The following GLP1R variants were observed in gnomAD, a reference collection of about 807,000 sequenced individuals.
GLP1R encodes the protein glucagon-like peptide 1 receptor.
Under a neutral mutation model 68.4 loss-of-function variants are expected in GLP1R, and 32 were observed. The observed-to-expected ratio is 0.47, with a 90% CI of 0.35 to 0.63. The LOEUF is 0.63. Ranked by LOEUF, GLP1R falls within the 20% of genes least tolerant of loss-of-function variation. The pLI is 0.00. For synonymous variants in GLP1R, 263 were observed against 244.4 expected, an observed-to-expected ratio of 1.08 and a Z score of -0.71; for missense variants, 502 against 594.9, an observed-to-expected ratio of 0.84 and a Z score of 1.62.
In GLP1R at chr6:39,063,926, A is replaced by AACACACACACAC. The variant is rs530782175; in HGVS notation, c.284-1760_284-1749dup. Among the ~76,000 whole-genome samples, 91 of 130,264 alleles carry AACACACACACAC rather than the reference A, an allele frequency of 7.0e-4. 1 individual carries two copies. Among genetic ancestry groups the AACACACACACAC allele is most frequent in the African/African-American group, 9.3e-4 (31 of 33,504 alleles). The allele number at this position is 130,264 out of a possible 152,430, so 85.5% of individuals were successfully genotyped here. A position where few individuals can be genotyped will look rare whatever the true frequency, so the allele number is the denominator to read the frequency against. On this transcript the variant is annotated intron_variant, in intron 3 of 12. Transcript: ENST00000373256. The stretch of plus-strand genomic sequence containing the variant: ...CACACACACACACACACAGACACAT[A>AACACACACACAC]ACACACACACACACACACACACACA...
chr6:39,073,125 T>C (rs1768720726), intron 6 of GLP1R, 110 bp downstream of exon 6: 1 of 1,053,998 alleles, frequency 9.5e-7, no homozygotes, highest in South Asian at 1.5e-5. Flanking sequence ...CGAACAGTCC[T>C]GGCCCTTCGG....
At chr6:39,052,424 C>T (rs1768108511) in intron 1 of GLP1R, among the ~76,000 whole-genome samples, 1 of 152,126 alleles carries the variant, frequency 6.6e-6, no homozygotes, top group African/African-American at 2.4e-5. Context: ...AGTTGGGGGA[C>T]TCCAGAAATT....
chr6:39,053,633 C>T (rs532120573), intron 1 of GLP1R, among the ~76,000 whole-genome samples: 2 of 152,288 alleles, frequency 1.3e-5, no homozygotes, highest in Admixed American at 1.3e-4. Context: ...CACAGCCATC[C>T]CATGGGGGAG....
In GLP1R at chr6:39,049,025, C is replaced by T. The variant is rs10305422; in HGVS notation, c.78+107C>T. The T allele has an allele frequency of 9.0e-3, 4,565 of 506,176 alleles. 174 individuals are homozygous for T. The highest frequency in any genetic ancestry group is 0.082 in the African/African-American group (4,043 of 49,334). 31.4% of individuals were successfully genotyped at this position (506,176 alleles called of 1,614,324 possible). On this transcript the variant is annotated intron_variant, in intron 1 of 12. Transcript: ENST00000373256. This position sits in a 1 kb window ranked among gnomAD's most constrained non-coding sequence, Gnocchi z 4.5. ...CGGGACTTGAACGAAACTCCGAGAC[C>T]GCTGGCGGGGGCATCCGAAAGCCTC...
At chr6:39,050,490 T>A (rs1768062709) in intron 1 of GLP1R, among the ~76,000 whole-genome samples, 1 of 152,126 alleles carries the variant, frequency 6.6e-6, no homozygotes, top group South Asian at 2.1e-4. Flanking sequence ...CTGATCCGAT[T>A]TTACTCCTTA....
intron 7 of GLP1R, among the ~76,000 whole-genome samples, chr6:39,075,710 A>C (rs537537628): frequency 2.0e-5 from 3 of 152,334 alleles, no homozygotes; most frequent in African/African-American, 7.2e-5. Flanking sequence ...GGCCTTGCCC[A>C]AGCTGGGATA....
chr6:39,067,909 G>T (rs2150828960), intron 5 of GLP1R, among the ~76,000 whole-genome samples: 1 of 152,250 alleles, frequency 6.6e-6, no homozygotes, highest in East Asian at 1.9e-4. Flanking sequence ...GTTGTGGCAG[G>T]CATTCTCATT....
Position 39,078,944 on chromosome 6 carries a change from T to C in GLP1R, c.885-13T>C, listed in dbSNP as rs756231060. ...CCTGCTGGATGCATGTGTGCATCTCTCTCCCTCCCCAGCTGCTGGACCAGG... is the reference window on the plus strand; with the variant it reads ...CCTGCTGGATGCATGTGTGCATCTCCCTCCCTCCCCAGCTGCTGGACCAGG... On this transcript the variant is annotated splice_polypyrimidine_tract_variant and intron_variant, in intron 8 of 12. Coordinates refer to ENST00000373256, the MANE Select transcript of GLP1R (RefSeq NM_002062.5). 4.3e-6 allele frequency: 7 copies of C among 1,612,362 alleles called. No homozygotes were observed. Among genetic ancestry groups the C allele is most frequent in the Non-Finnish European group, 5.9e-6 (7 of 1,178,424 alleles).
intron 3 of GLP1R, among the ~76,000 whole-genome samples, chr6:39,065,470 C>T (rs10305452): frequency 0.025 from 3,870 of 152,294 alleles, 158 homozygotes; most frequent in African/African-American, 0.085. Context: ...GCTGAGGAGC[C>T]CCTGCCTTGG....
intron 7 of GLP1R, among the ~76,000 whole-genome samples, chr6:39,076,771 A>G (rs1768840927): frequency 6.6e-6 from 1 of 152,172 alleles, no homozygotes; most frequent in Non-Finnish European, 1.5e-5. Flanking sequence ...GGGCCAACGG[A>G]GACGAGCATG....
chr6:39,080,185 TG>T (rs1768959992), intron 11 of GLP1R, among the ~76,000 whole-genome samples: 1 of 32,930 alleles, frequency 3.0e-5, no homozygotes, highest in South Asian at 9.3e-4. Context: ...AACTGGTCCC[TG>T]CCTGCCCCTC....
intron 5 of GLP1R, 132 bp downstream of exon 5, chr6:39,066,435 G>T (rs1768520868): frequency 5.1e-6 from 3 of 590,802 alleles, no homozygotes; most frequent in Non-Finnish European, 9.1e-6. Flanking sequence ...TCTCTACAGA[G>T]CCCTGACCGT....
At chr6:39,062,043 G>T (rs1768369119) in intron 3 of GLP1R, among the ~76,000 whole-genome samples, 1 of 152,178 alleles carries the variant, frequency 6.6e-6, no homozygotes, top group Non-Finnish European at 1.5e-5. Flanking sequence ...CCACCTCGTT[G>T]CCAGGGTGCA....
Position 39,055,727 on chromosome 6 carries a change from T to TTG in GLP1R, c.79-670_79-669insTG, listed in dbSNP as rs1554168682. Among the ~76,000 whole-genome samples, 504 of 113,302 alleles carry TTG rather than the reference T, an allele frequency of 4.4e-3. 2 individuals carry two copies. Among genetic ancestry groups the TTG allele is most frequent in the African/African-American group, 0.015 (458 of 30,560 alleles). 74.3% of individuals were successfully genotyped at this position (113,302 alleles called of 152,430 possible). A position where few individuals can be genotyped will look rare whatever the true frequency, so the allele number is the denominator to read the frequency against. ...GTCAGAGGGGAGCACGGGGAGGGGGTGGGGGGTGCTGTGTTGAGTGCATCT... is the reference window on the plus strand; with the variant it reads ...GTCAGAGGGGAGCACGGGGAGGGGGTTGGGGGGGTGCTGTGTTGAGTGCATCT... On this transcript the variant is annotated intron_variant, in intron 1 of 12. Coordinates refer to ENST00000373256, the MANE Select transcript of GLP1R (RefSeq NM_002062.5).
chr6:39,051,361 G>A (rs1768083666), intron 1 of GLP1R, among the ~76,000 whole-genome samples: 1 of 152,132 alleles, frequency 6.6e-6, no homozygotes, highest in Admixed American at 6.5e-5. Context: ...TTGTCCTTGG[G>A]GATCCAGAAG....
rs147627784 is a variant in GLP1R at position 39,065,821 on chromosome 6, G to T, written c.394G>T (p.Gly132Trp). 522 of 1,594,084 alleles carry T rather than the reference G, an allele frequency of 3.3e-4. 3 individuals carry two copies. Among genetic ancestry groups the T allele is most frequent in the Non-Finnish European group, 7.9e-5 (92 of 1,164,208 alleles). Residue 132 changes from glycine (G) to tryptophan (W), a missense_variant, in exon 4 of 13, where the codon GGG becomes TGG. Gly to Trp is a radical substitution (Grantham distance 184, BLOSUM62 -2). Transcript: ENST00000373256. ...DLSECEESKR[G>W]ERSSPEEQLL... ...GTCGGAGTGCGAGGAGTCCAAGCGA[G>T]GGGAAAGAGTGAGTTGAGGCGGGGT... is the stretch of plus-strand genomic sequence containing the variant.
intron 5 of GLP1R, among the ~76,000 whole-genome samples, chr6:39,067,950 G>C (rs148831263): frequency 9.7e-4 from 147 of 152,302 alleles, no homozygotes; most frequent in Middle Eastern, 3.4e-3. Flanking sequence ...TTTCAAAAGG[G>C]AGCAATAGGT....
chr6:39,076,404 G>A (rs1324310899), intron 7 of GLP1R, among the ~76,000 whole-genome samples: 1 of 152,142 alleles, frequency 6.6e-6, no homozygotes, highest in Non-Finnish European at 1.5e-5. Flanking sequence ...ATGCTGAGAG[G>A]TCCGATTTGT....
At chr6:39,075,645 G>T (rs1053120302) in intron 7 of GLP1R, among the ~76,000 whole-genome samples, 2 of 152,192 alleles carry the variant, frequency 1.3e-5, no homozygotes, top group Admixed American at 6.5e-5. Context: ...GGATTGGGGT[G>T]GGGGAGACGG....
Sources: allele counts gnomAD v4.1 joint callset (sites outside exome capture counted in the v4.1 genomes callset), GRCh38; gene constraint gnomAD v4.1.1; non-coding constraint Gnocchi (gnomAD v3.1); transcripts MANE v1.5; gene names NCBI Gene and HGNC (gene_info 2026-07-23, HGNC 2026-07-21).